The following ATF7 variants were observed in gnomAD, a reference collection of about 807,000 sequenced individuals.
The protein encoded by ATF7 is cyclic AMP-dependent transcription factor ATF-7.
ATF7 carries 10 observed loss-of-function variants against 50.4 expected under a neutral mutation model. The observed-to-expected ratio is 0.20, with a 90% confidence interval of 0.12 to 0.34. The LOEUF is 0.34. ATF7 is among the 10% of genes least tolerant of loss of function. ATF7 has a pLI of 1.00. For synonymous variants in ATF7, 201 were observed against 226.4 expected (o/e 0.89, Z 1.01); for missense variants, 465 against 613.9 (o/e 0.76, Z 2.56).
At chr12:53,602,710 CA>C (rs1455420757) in intron 1 of ATF7, among the ~76,000 whole-genome samples, 4 of 152,176 alleles carry the variant, frequency 2.6e-5, no homozygotes, top group Non-Finnish European at 4.4e-5. Flanking sequence ...GAGGCCAGCT[CA>C]AGCTGATGAT....
intron 9 of ATF7, among the ~76,000 whole-genome samples, chr12:53,529,734 C>CACACACACACACACACATAT (rs1298379846): frequency 0.01 from 1,425 of 142,500 alleles, 13 homozygotes; most frequent in African/African-American, 0.034. Flanking sequence ...CACACACACA[C>CACACACACACACACACATAT]ATATATATAT....
At chr12:53,584,998 G>A (rs1419708662) in intron 2 of ATF7, among the ~76,000 whole-genome samples, 5 of 152,186 alleles carry the variant, frequency 3.3e-5, no homozygotes, top group African/African-American at 1.2e-4. Context: ...GATTTGACAG[G>A]AGTTCACTCT....
At chr12:53,539,872 C>T (rs1479158249) in intron 4 of ATF7, among the ~76,000 whole-genome samples, 1 of 151,178 alleles carries the variant, frequency 6.6e-6, no homozygotes, top group Admixed American at 6.6e-5. Context: ...AGTTCAAGAC[C>T]AGTGTGGGCA....
At chr12:53,555,222 G>C (rs1450699682) in intron 2 of ATF7, among the ~76,000 whole-genome samples, 1 of 151,866 alleles carries the variant, frequency 6.6e-6, no homozygotes, top group Non-Finnish European at 1.5e-5. Context: ...GGGGGGCTGG[G>C]GCTGAGGCAG....
intron 1 of ATF7, among the ~76,000 whole-genome samples, chr12:53,610,340 G>A (rs1386026666): frequency 6.6e-6 from 1 of 151,866 alleles, no homozygotes; most frequent in African/African-American, 2.4e-5. Flanking sequence ...CGAGGCAGGT[G>A]GATCCCTTCA....
intron 1 of ATF7, among the ~76,000 whole-genome samples, chr12:53,606,093 T>C (rs962090769): frequency 5.9e-5 from 9 of 152,120 alleles, no homozygotes; most frequent in Non-Finnish European, 7.4e-5. Context: ...AGCTCTGTAG[T>C]TTTTGGTTAC....
At chr12:53,604,478 T>G (rs1344216313) in intron 1 of ATF7, among the ~76,000 whole-genome samples, 1 of 152,218 alleles carries the variant, frequency 6.6e-6, no homozygotes, top group Non-Finnish European at 1.5e-5. Context: ...TATATTTTAA[T>G]AGACTAAGCA....
At chr12:53,511,085 A>G (rs191007801), downstream of ATF7, among the ~76,000 whole-genome samples, 1 of 152,356 alleles carries the variant, frequency 6.6e-6, no homozygotes, top group African/African-American at 2.4e-5. Context: ...GAAACTCCAG[A>G]GACACCTGCT....
At chr12:53,573,465 G>A (rs1227723877) in intron 2 of ATF7, among the ~76,000 whole-genome samples, 1 of 152,066 alleles carries the variant, frequency 6.6e-6, no homozygotes, top group African/African-American at 2.4e-5. Context: ...TCATTCGTGT[G>A]GATTCAATGT....
intron 2 of ATF7, among the ~76,000 whole-genome samples, chr12:53,555,096 G>C (rs1206035716): frequency 2.6e-5 from 4 of 151,992 alleles, no homozygotes; most frequent in African/African-American, 9.7e-5. Context: ...GAGGCAGGTG[G>C]ATCACCTGAG....
chr12:53,510,587 G>C (rs1944111264), downstream of ATF7, among the ~76,000 whole-genome samples: 1 of 152,226 alleles, frequency 6.6e-6, no homozygotes, highest in African/African-American at 2.4e-5. Flanking sequence ...ATAAAATGAA[G>C]TGACTACTCC....
chr12:53,584,628 G>A (rs935154607), intron 2 of ATF7, among the ~76,000 whole-genome samples: 6 of 152,096 alleles, frequency 3.9e-5, no homozygotes, highest in Non-Finnish European at 5.9e-5. Flanking sequence ...GCCAAATCTC[G>A]GAAGCAATGA....
chr12:53,556,273 C>T (rs1279992445), intron 2 of ATF7, among the ~76,000 whole-genome samples: 2 of 152,034 alleles, frequency 1.3e-5, no homozygotes, highest in Non-Finnish European at 1.5e-5. Context: ...TCTTGTAATC[C>T]TATGTATTTC....
rs151091669 is a variant in ATF7 at position 53,550,076 on chromosome 12, A to G, written c.145+2465T>C. ...GGCGGCTCACGCCTGTAATCCCAGC[A>G]CTTTGGAAGGCCGAGGCAGGTGGAT... On this transcript the variant is annotated intron_variant, in intron 3 of 11. Coordinates refer to ENST00000420353, the MANE Select transcript of ATF7 (RefSeq NM_006856.3). 1.2e-3 allele frequency among the ~76,000 whole-genome samples: 187 copies of G among 152,154 alleles called. 2 individuals are homozygous for G. In the East Asian group the frequency reaches 0.027, roughly 22 times the overall value.
chr12:53,541,440 A>G (rs1207707226), intron 4 of ATF7, among the ~76,000 whole-genome samples: 1 of 152,212 alleles, frequency 6.6e-6, no homozygotes, highest in Admixed American at 6.5e-5. Flanking sequence ...CTAATTCTAA[A>G]GTAAAATTTG....
intron 9 of ATF7, among the ~76,000 whole-genome samples, chr12:53,525,770 T>G (rs1418688911): frequency 1.3e-5 from 2 of 152,240 alleles, no homozygotes; most frequent in Admixed American, 1.3e-4. Context: ...TTAGTTGGGA[T>G]GCACTTGGAG....
intron 2 of ATF7, among the ~76,000 whole-genome samples, chr12:53,584,437 C>G (rs1942582606): frequency 6.6e-6 from 1 of 152,096 alleles, no homozygotes; most frequent in Non-Finnish European, 1.5e-5. Context: ...ATAATATAGC[C>G]ACTTTGGAAG....
intron 2 of ATF7, among the ~76,000 whole-genome samples, chr12:53,554,680 TG>T (rs1940599462): frequency 6.6e-6 from 1 of 150,970 alleles, no homozygotes; most frequent in African/African-American, 2.4e-5. Flanking sequence ...ATGACCAACA[TG>T]GCAAAACCCC....
intron 3 of ATF7, among the ~76,000 whole-genome samples, chr12:53,546,949 G>C (rs1273012738): frequency 6.7e-6 from 1 of 150,168 alleles, no homozygotes. Flanking sequence ...TGTAGAGATG[G>C]GGTTTCTTTA....
Sources: gnomAD v4.1 joint callset for allele counts (sites outside exome capture counted in the v4.1 genomes callset) on GRCh38, gnomAD v4.1.1 for gene constraint, MANE v1.5 for transcripts, NCBI Gene and HGNC (gene_info 2026-07-23, HGNC 2026-07-21) for gene names.